The following EYA4 variants were observed in gnomAD, a reference collection of about 807,000 sequenced individuals.
The protein encoded by EYA4 is protein phosphatase EYA4.
In EYA4, 31 loss-of-function variants were observed where a neutral mutation model predicts 87.9. The observed-to-expected ratio is 0.35, with a 90% CI of 0.27 to 0.48. The LOEUF is 0.48. Among genes scored for constraint, EYA4 ranks in the 20% least tolerant of loss-of-function variants. The pLI is 0.99. For missense variants in EYA4, 678 were observed against 761.4 expected (o/e 0.89, Z 1.29); for synonymous variants, 263 against 270.6 (o/e 0.97, Z 0.28).
chr6:133,329,387 G>C, intron 2 of EYA4, among the ~76,000 whole-genome samples: 1 of 152,060 alleles, frequency 6.6e-6, no homozygotes, highest in South Asian at 2.1e-4. Context: ...AAATGATAAT[G>C]TGTAACCTCT....
At chr6:133,263,673 A>G (rs571165247) in intron 1 of EYA4, among the ~76,000 whole-genome samples, 37 of 152,350 alleles carry the variant, frequency 2.4e-4, no homozygotes, top group African/African-American at 8.7e-4. Context: ...TACACATGCA[A>G]GCAAACCTTA....
intron 3 of EYA4, among the ~76,000 whole-genome samples, chr6:133,419,392 C>A (rs1334840612): frequency 1.3e-5 from 2 of 152,178 alleles, no homozygotes; most frequent in Non-Finnish European, 2.9e-5. Context: ...TCTCTTGATA[C>A]ACCTCAGGAC....
At position 133,475,170 on chromosome 6, in the gene EYA4, T is replaced by C. The variant is rs1041970571; in HGVS notation, c.971-6293T>C. ...CCTTATTAGGTAGTTTGACAGTGGA[T>C]TTAAAGAAACACTACCATGCTGATT... On this transcript the variant is annotated intron_variant, in intron 11 of 19. Transcript: ENST00000355286. Among the ~76,000 whole-genome samples the C allele has an allele frequency of 3.3e-5, 5 of 152,228 alleles. No homozygotes were observed. In the East Asian group the frequency reaches 9.6e-4, roughly 29 times the overall value.
At chr6:133,251,457 A>G (rs1774894616) in intron 1 of EYA4, among the ~76,000 whole-genome samples, 1 of 152,236 alleles carries the variant, frequency 6.6e-6, no homozygotes, top group South Asian at 2.1e-4. Flanking sequence ...GCTATGTGGC[A>G]GGATGGGGCT....
At chr6:133,438,511 A>T (rs1219618021) in intron 3 of EYA4, among the ~76,000 whole-genome samples, 2 of 150,890 alleles carry the variant, frequency 1.3e-5, no homozygotes, top group East Asian at 3.9e-4. Flanking sequence ...AATTCATCAA[A>T]ACCCAGCTAA....
chr6:133,462,169 C>A, intron 7 of EYA4, 166 bp from the exon 8 acceptor site: 2 of 789,664 alleles, frequency 2.5e-6, no homozygotes, highest in Non-Finnish European at 2.1e-6. Flanking sequence ...TGTAGCAGAG[C>A]CTGAGCTCCT....
In EYA4 at chr6:133,528,776, C is replaced by T; in HGVS notation, c.1891C>T (p.His631Tyr). 6.2e-7 allele frequency: 1 copy of T among 1,613,796 alleles called. No individual in the cohort carries two copies. Among genetic ancestry groups the T allele is most frequent in the Non-Finnish European group, 8.5e-7 (1 of 1,179,766 alleles). Residue 631 changes from histidine to tyrosine, a missense_variant, in exon 20 of 20, where the codon CAC becomes TAC. Transcript: ENST00000355286. ...CAGTCACTCAGACCTCCTGGCTCTC[C>T]ACCAAGCACTGGAATTAGAGTATTT... ...ISSHSDLLAL[H>Y]QALELEYL
intron 2 of EYA4, among the ~76,000 whole-genome samples, chr6:133,339,417 C>T (rs1414558956): frequency 6.6e-6 from 1 of 152,086 alleles, no homozygotes; most frequent in East Asian, 1.9e-4. Context: ...TTAGGTCAGA[C>T]TGTATGGATA....
intron 3 of EYA4, among the ~76,000 whole-genome samples, chr6:133,407,368 G>A (rs1788801797): frequency 6.6e-6 from 1 of 151,806 alleles, no homozygotes. Context: ...ATGTTGAATG[G>A]GAGGATAGGA....
chr6:133,344,218 C>T (rs1333003985), intron 2 of EYA4, among the ~76,000 whole-genome samples: 1 of 152,168 alleles, frequency 6.6e-6, no homozygotes, highest in Admixed American at 6.5e-5. Context: ...AGACCCAAGC[C>T]TTTGTCTACA....
intron 11 of EYA4, among the ~76,000 whole-genome samples, chr6:133,477,655 A>G (rs1050716727): frequency 6.6e-6 from 1 of 152,070 alleles, no homozygotes; most frequent in African/African-American, 2.4e-5. Flanking sequence ...GAGAAAGTAT[A>G]GCCAAATGGT....
intron 1 of EYA4, among the ~76,000 whole-genome samples, chr6:133,252,989 A>ACTCT (rs1397264688): frequency 6.7e-5 from 8 of 120,092 alleles, no homozygotes; most frequent in South Asian, 2.8e-4. Context: ...ACACACACAC[A>ACTCT]CTCACTCTCT....
intron 2 of EYA4, among the ~76,000 whole-genome samples, chr6:133,354,141 AT>A (rs2128431372): frequency 6.6e-6 from 1 of 152,240 alleles, no homozygotes; most frequent in Non-Finnish European, 1.5e-5. Context: ...TGCAGACATA[AT>A]AACTGCATTA....
In EYA4 at chr6:133,358,691, T is replaced by G. The variant is rs78406384; in HGVS notation, c.34-23701T>G. On this transcript the variant is annotated intron_variant, in intron 2 of 19. Transcript: ENST00000355286. ...TCTTTAACAAATATTTGTTGAGTGC[T>G]ATTCTGCTCCAGGCACTGTGCTAAG... Among the ~76,000 whole-genome samples, 683 of 152,336 alleles carry G rather than the reference T, an allele frequency of 4.5e-3. 15 individuals carry two copies. The East Asian group carries it at 0.052, about 12-fold the overall frequency.
chr6:133,473,171 C>T (rs968458124), intron 11 of EYA4, among the ~76,000 whole-genome samples: 1 of 151,972 alleles, frequency 6.6e-6, no homozygotes, highest in Non-Finnish European at 1.5e-5. Flanking sequence ...CTTTCTTATT[C>T]AGCTTTGGAT....
rs115179415 is a variant in EYA4 at position 133,264,863 on chromosome 6, C to T, written c.-65-9853C>T. ...CTTTTCTCTAGAGAGAGAGGGTCTC[C>T]GCTCTGTCACCTAGAAGAAGTGCAG... is the stretch of plus-strand genomic sequence containing the variant. On this transcript the variant is annotated intron_variant, in intron 1 of 19. Coordinates refer to ENST00000355286, the MANE Select transcript of EYA4 (RefSeq NM_004100.5). Among the ~76,000 whole-genome samples, 126 of 152,128 alleles carry T rather than the reference C, an allele frequency of 8.3e-4. 1 individual carries two copies. The highest frequency in any genetic ancestry group is 2.8e-3 in the African/African-American group (118 of 41,492).
chr6:133,464,215 A>G (rs1794654203), intron 9 of EYA4, among the ~76,000 whole-genome samples: 2 of 152,232 alleles, frequency 1.3e-5, no homozygotes, highest in South Asian at 4.2e-4. Flanking sequence ...GTAAAGTTTT[A>G]GAAGGCCCTC....
chr6:133,260,841 C>T (rs189942560), intron 1 of EYA4, among the ~76,000 whole-genome samples: 3 of 152,126 alleles, frequency 2.0e-5, no homozygotes, highest in Non-Finnish European at 4.4e-5. Flanking sequence ...TTCTATCCCC[C>T]CTCCAATAAA....
intron 11 of EYA4, 61 bp downstream of exon 11, chr6:133,468,792 G>C (rs1795074094): frequency 6.5e-7 from 1 of 1,542,280 alleles, no homozygotes; most frequent in Admixed American, 1.7e-5. Context: ...ATAAAACGGA[G>C]AAAGTGGACA....
Sources: gnomAD v4.1 joint callset for allele counts (sites outside exome capture counted in the v4.1 genomes callset) on GRCh38, gnomAD v4.1.1 for gene constraint, MANE v1.5 for transcripts, NCBI Gene and HGNC (gene_info 2026-07-23, HGNC 2026-07-21) for gene names.